SRBD1: variants seen among roughly 807,000 people sequenced by gnomAD.
SRBD1 encodes the protein S1 RNA binding domain 1.
SRBD1 carries 88 observed loss-of-function variants against 115.3 expected under a neutral mutation model. That is an observed-to-expected ratio of 0.76 (90% CI 0.64 to 0.91). SRBD1 has a LOEUF of 0.91. Among genes scored for constraint, SRBD1 ranks in the 40% least tolerant of loss-of-function variants. The pLI, the probability that SRBD1 is intolerant of heterozygous loss-of-function variation, is 0.00. For missense variants in SRBD1, 1,385 were observed against 1,177.4 expected, an observed-to-expected ratio of 1.18 and a Z score of -2.58; for synonymous variants, 509 against 407.7, an observed-to-expected ratio of 1.25 and a Z score of -2.99.
At chr2:45,576,116 ACTCCTC>A (rs149307230) in intron 7 of SRBD1, among the ~76,000 whole-genome samples, 21 of 150,516 alleles carry the variant, frequency 1.4e-4, no homozygotes, top group Admixed American at 7.3e-4. Flanking sequence ...GACAGAAACA[ACTCCTC>A]CTCCTCCTCC....
intron 14 of SRBD1, among the ~76,000 whole-genome samples, chr2:45,495,502 C>T (rs1670427922): frequency 6.6e-6 from 1 of 152,042 alleles, no homozygotes; most frequent in African/African-American, 2.4e-5. Flanking sequence ...TCTCTCCCCG[C>T]ATTCTGCTTT....
At chr2:45,479,493 A>G (rs1410400112) in intron 15 of SRBD1, among the ~76,000 whole-genome samples, 1 of 152,202 alleles carries the variant, frequency 6.6e-6, no homozygotes, top group Non-Finnish European at 1.5e-5. Flanking sequence ...CTGAGTGATT[A>G]AACCAGCCAC....
chr2:45,481,019 T>C (rs1669947336), intron 15 of SRBD1, among the ~76,000 whole-genome samples: 2 of 152,182 alleles, frequency 1.3e-5, no homozygotes, highest in African/African-American at 4.8e-5. Context: ...ACCACCACTC[T>C]GGTCAGCAAC....
chr2:45,493,190 G>A (rs1670351461), intron 14 of SRBD1, among the ~76,000 whole-genome samples: 1 of 152,184 alleles, frequency 6.6e-6, no homozygotes. Context: ...TTGTCAGACT[G>A]AGAAACATAT....
chr2:45,522,315 A>G (rs1321075779), intron 14 of SRBD1, among the ~76,000 whole-genome samples: 4 of 152,038 alleles, frequency 2.6e-5, no homozygotes, highest in African/African-American at 9.7e-5. Context: ...TGTAGCTGGG[A>G]CTACAGGTAT....
At chr2:45,469,155 G>C (rs897021340) in intron 16 of SRBD1, among the ~76,000 whole-genome samples, 1 of 152,064 alleles carries the variant, frequency 6.6e-6, no homozygotes, top group African/African-American at 2.4e-5. Context: ...CCTGTCTATG[G>C]ATGGTCTATA....
In SRBD1 at chr2:45,532,510, C is replaced by G. The variant is rs1671643751; in HGVS notation, c.1874+14222G>C. Among the ~76,000 whole-genome samples, 4 of 151,696 alleles carry G rather than the reference C, an allele frequency of 2.6e-5. 1 individual carries two copies. On this transcript the variant is annotated intron_variant, in intron 14 of 20. Transcript: ENST00000263736. The stretch of plus-strand genomic sequence containing the variant: ...AGAGAATAAATAAAAGCACCTCTAC[C>G]CACCAATCAGGCAAGTTTTAAAAGT...
intron 19 of SRBD1, among the ~76,000 whole-genome samples, chr2:45,404,752 C>T (rs1412163262): frequency 6.6e-6 from 1 of 152,104 alleles, no homozygotes; most frequent in Admixed American, 6.6e-5. Context: ...TAAATCAGAT[C>T]ATATCACTCT....
intron 13 of SRBD1, among the ~76,000 whole-genome samples, chr2:45,547,123 C>G (rs1405469438): frequency 2.0e-5 from 3 of 152,078 alleles, no homozygotes; most frequent in East Asian, 1.9e-4. Flanking sequence ...AGAGATAAGT[C>G]AACTCTGGAG....
intron 14 of SRBD1, among the ~76,000 whole-genome samples, chr2:45,528,445 A>T (rs1671515287): frequency 1.3e-5 from 2 of 151,900 alleles, no homozygotes; most frequent in Admixed American, 1.3e-4. Context: ...GAGTACAAAC[A>T]TTGTGCCCAA....
At chr2:45,415,049 T>C (rs376604940) in intron 18 of SRBD1, among the ~76,000 whole-genome samples, 235 of 21,672 alleles carry the variant, frequency 0.011, 17 homozygotes, top group Middle Eastern at 0.062. Flanking sequence ...ATAGTATGTA[T>C]ATACACACAT....
chr2:45,469,912 T>C (rs1040947504), intron 16 of SRBD1, among the ~76,000 whole-genome samples: 26 of 152,322 alleles, frequency 1.7e-4, no homozygotes, highest in Non-Finnish European at 1.6e-4. Context: ...CAAAACCATT[T>C]TGGCAGAGAA....
intron 9 of SRBD1, chr2:45,567,976 G>T (rs1672887322): frequency 6.6e-6 from 1 of 152,166 alleles, no homozygotes. Context: ...GTGGAGAAGG[G>T]AATAAGGTAA....
intron 7 of SRBD1, among the ~76,000 whole-genome samples, chr2:45,575,954 T>G (rs1295295057): frequency 2.0e-5 from 3 of 152,300 alleles, no homozygotes; most frequent in East Asian, 3.9e-4. Context: ...TCTGCCCCCC[T>G]CAGCCTCCCA....
chr2:45,459,099 A>G (rs2103766791), intron 16 of SRBD1, among the ~76,000 whole-genome samples: 1 of 152,256 alleles, frequency 6.6e-6, no homozygotes, highest in Non-Finnish European at 1.5e-5. Flanking sequence ...TTTGTTTTTA[A>G]GCATTCTACC....
chr2:45,491,367 A>C (rs1670286929), intron 14 of SRBD1, among the ~76,000 whole-genome samples: 1 of 152,224 alleles, frequency 6.6e-6, no homozygotes, highest in Non-Finnish European at 1.5e-5. Context: ...AATTAGCCTC[A>C]AAATCCTAGC....
At chr2:45,589,084 T>G (rs1474436586) in intron 4 of SRBD1, among the ~76,000 whole-genome samples, 1 of 152,176 alleles carries the variant, frequency 6.6e-6, no homozygotes, top group East Asian at 1.9e-4. Flanking sequence ...TCTGAACCCA[T>G]AGTAGGTATT....
At chr2:45,580,319 C>T (rs1339189697) in intron 6 of SRBD1, among the ~76,000 whole-genome samples, 1 of 152,042 alleles carries the variant, frequency 6.6e-6, no homozygotes, top group Non-Finnish European at 1.5e-5. Context: ...AAGTGTTCTA[C>T]ACATAATTCT....
At chr2:45,461,814 T>C (rs1669326297) in intron 16 of SRBD1, among the ~76,000 whole-genome samples, 1 of 152,230 alleles carries the variant, frequency 6.6e-6, no homozygotes, top group African/African-American at 2.4e-5. Flanking sequence ...CGTCATTCAT[T>C]GAGAGCTTAG....
Sources: gnomAD v4.1 joint callset for allele counts (sites outside exome capture counted in the v4.1 genomes callset) on GRCh38, gnomAD v4.1.1 for gene constraint, MANE v1.5 for transcripts, NCBI Gene and HGNC (gene_info 2026-07-23, HGNC 2026-07-21) for gene names.